The following TRIM65 variants were observed in gnomAD, a reference collection of about 807,000 sequenced individuals.
TRIM65 encodes E3 ubiquitin-protein ligase TRIM65.
TRIM65 carries 46 observed loss-of-function variants against 36.1 expected under a neutral mutation model. The ratio of observed to expected loss-of-function variants is 1.27; its 90% CI spans 1.01 to 1.63. The LOEUF (loss-of-function observed/expected upper bound fraction) is 1.63, where lower values mean the gene tolerates loss of function less well. Ranked by LOEUF, TRIM65 falls within the 40% of genes most tolerant of loss-of-function variation. The pLI is 0.00. For synonymous variants in TRIM65, 346 were observed against 313.6 expected (o/e 1.10, Z -1.09); for missense variants, 708 against 696.6 (o/e 1.02, Z -0.18).
chr17:75,891,141 CCA>C lies in TRIM65; in HGVS notation c.1190_1191del (p.Leu397ArgfsTer98). 1 of 1,608,442 alleles carries C rather than the reference CCA, an allele frequency of 6.2e-7. No individual in the cohort carries two copies. The highest frequency in any genetic ancestry group is 8.5e-7 in the Non-Finnish European group (1 of 1,179,930). On this transcript the variant is annotated frameshift_variant, in exon 6 of 6. Coordinates refer to ENST00000269383, the MANE Select transcript of TRIM65 (RefSeq NM_173547.4). LOFTEE classifies it low-confidence loss of function (END_TRUNC). Reference sequence around the variant, plus strand: ...CGTGGCAGTTGCGGGTAGGAGACGCCCAGTGTCACCGAGTGGTCTGACGCGCG... The same window carrying C: ...CGTGGCAGTTGCGGGTAGGAGACGCCGTGTCACCGAGTGGTCTGACGCGCG... ...EVRASDHSVT[L>X]GVSYPQLPRC...
intron 1 of TRIM65, among the ~76,000 whole-genome samples, chr17:75,895,877 A>G (rs1453840245): frequency 6.6e-6 from 1 of 152,216 alleles, no homozygotes; most frequent in Non-Finnish European, 1.5e-5. Context: ...AGCGAATGAA[A>G]GGAGGCTCTC....
chr17:75,891,060 GC>G lies in TRIM65; in HGVS notation c.1272del (p.Leu425SerfsTer73). 1.2e-6 allele frequency: 2 copies of G among 1,612,464 alleles called. No homozygotes were observed. Among genetic ancestry groups the G allele is most frequent in the Non-Finnish European group, 1.7e-6 (2 of 1,179,806 alleles). ...DNIGRGPCSW[G>X]LCVQEDSLQA... is the part of the protein sequence containing the mutation. ...TGGAGGCTGTCCTCCTGGACGCAGA[GC>G]CCCCAGGAGCAGGGTCCCCGGCCAA... On this transcript the variant is annotated frameshift_variant, in exon 6 of 6. Coordinates refer to ENST00000269383, the MANE Select transcript of TRIM65 (RefSeq NM_173547.4). LOFTEE classifies it low-confidence loss of function (END_TRUNC).
chr17:75,893,431 G>C (rs949732670), intron 1 of TRIM65, among the ~76,000 whole-genome samples: 1 of 152,178 alleles, frequency 6.6e-6, no homozygotes, highest in Non-Finnish European at 1.5e-5. Flanking sequence ...TTTTGAGACT[G>C]AGAGGGGAGG....
chr17:75,891,839 C>T lies in TRIM65; in HGVS notation c.959G>A (p.Cys320Tyr). 1 of 1,612,746 alleles carries T rather than the reference C, an allele frequency of 6.2e-7. No homozygotes were observed. The highest frequency in any genetic ancestry group is 8.5e-7 in the Non-Finnish European group (1 of 1,179,326). The stretch of plus-strand genomic sequence containing the variant: ...CTGCCAGAGTTTCCTCCTCAGTGGA[C>T]AAACTGTGCTTGGGACCGGTGCCAG... Reference protein sequence around the residue: ...GPLAPVPSTVCPLRRKLWQNY... With the variant: ...GPLAPVPSTVYPLRRKLWQNY... Residue 320 changes from cysteine (C) to tyrosine (Y), a missense_variant, in exon 5 of 6, where the codon TGT (cysteine) becomes TAT (tyrosine). Transcript: ENST00000269383.
At chr17:75,886,112 C>T (rs369207446), downstream of TRIM65, among the ~76,000 whole-genome samples, 18 of 152,160 alleles carry the variant, frequency 1.2e-4, no homozygotes, top group African/African-American at 4.3e-4. Context: ...AAGGGCAGTT[C>T]GCCTGCACAC....
chr17:75,887,171 AAAAG>A (rs1436576986), downstream of TRIM65, among the ~76,000 whole-genome samples: 6 of 150,792 alleles, frequency 4.0e-5, no homozygotes, highest in Non-Finnish European at 8.9e-5. Flanking sequence ...AAAAAAAAAA[AAAAG>A]AAGAGAAAAA....
At chr17:75,885,799 G>A (rs1397146698), downstream of TRIM65, among the ~76,000 whole-genome samples, 1 of 152,166 alleles carries the variant, frequency 6.6e-6, no homozygotes, top group African/African-American at 2.4e-5. Flanking sequence ...CAGTCCCCCA[G>A]GATCTCAAGG....
chr17:75,880,043 C>T (rs974078819), downstream of TRIM65, among the ~76,000 whole-genome samples: 3 of 150,646 alleles, frequency 2.0e-5, no homozygotes, highest in Non-Finnish European at 4.4e-5. Context: ...CATGAGCCAC[C>T]GCACCCAGAG....
chr17:75,883,507 T>G (rs941759229), intron 4 of TRIM65, among the ~76,000 whole-genome samples: 1 of 150,908 alleles, frequency 6.6e-6, no homozygotes. Context: ...TGTCTTTTTT[T>G]CTCACTGTCT....
downstream of TRIM65, among the ~76,000 whole-genome samples, chr17:75,884,925 C>T (rs547354622): frequency 2.6e-3 from 396 of 151,056 alleles, no homozygotes; most frequent in African/African-American, 8.6e-3. Flanking sequence ...GCCACCTCGC[C>T]CCACTTGAGT....
At position 75,891,151 on chromosome 17, in the gene TRIM65, C is replaced by T. The variant is rs764405701; in HGVS notation, c.1182G>A (p.Ser394=). The change falls in exon 6 of 6, where the codon TCG becomes TCA. Residue 394 remains serine, a synonymous_variant. Coordinates refer to ENST00000269383, the MANE Select transcript of TRIM65 (RefSeq NM_173547.4). ...HYWEVRASDH[S]VTLGVSYPQL... is the part of the protein sequence containing the mutation. Reference sequence around the variant, plus strand: ...GCGGGTAGGAGACGCCCAGTGTCACCGAGTGGTCTGACGCGCGCACCTCCC... The same window carrying T: ...GCGGGTAGGAGACGCCCAGTGTCACTGAGTGGTCTGACGCGCGCACCTCCC... 15 of 1,608,602 alleles carry T rather than the reference C, an allele frequency of 9.3e-6. No individual in the cohort carries two copies. Among genetic ancestry groups the T allele is most frequent in the East Asian group, 6.7e-5 (3 of 44,882 alleles).
chr17:75,884,164 G>A (rs572848977), downstream of TRIM65, among the ~76,000 whole-genome samples: 7 of 151,482 alleles, frequency 4.6e-5, no homozygotes, highest in South Asian at 1.5e-3. Flanking sequence ...TAGATAGATA[G>A]TAAACAATTT....
chr17:75,884,532 G>A (rs914373372), downstream of TRIM65, among the ~76,000 whole-genome samples: 8 of 152,130 alleles, frequency 5.3e-5, no homozygotes, highest in African/African-American at 1.9e-4. Context: ...GACTCCCCAT[G>A]GACAACCAAT....
At chr17:75,883,630 C>A (rs2065184338) in intron 4 of TRIM65, among the ~76,000 whole-genome samples, 1 of 149,466 alleles carries the variant, frequency 6.7e-6, no homozygotes, top group African/African-American at 2.5e-5. Context: ...CGGGTTCATC[C>A]CATTCTCCTG....
chr17:75,891,971 G>A (rs1427700823), intron 4 of TRIM65, 40 bp downstream of exon 4: 2 of 1,554,782 alleles, frequency 1.3e-6, no homozygotes, highest in Non-Finnish European at 1.7e-6. Context: ...AGGGGCAGCT[G>A]GACCCAGGAC....
At chr17:75,884,617 C>T (rs2065193265), downstream of TRIM65, among the ~76,000 whole-genome samples, 1 of 152,024 alleles carries the variant, frequency 6.6e-6, no homozygotes, top group Non-Finnish European at 1.5e-5. Context: ...TCTTGCTCTC[C>T]TTTTTTGTTT....
In TRIM65 at chr17:75,892,164, G is replaced by A; in HGVS notation, c.766C>T (p.Pro256Ser). 1 of 1,570,046 alleles carries A rather than the reference G, an allele frequency of 6.4e-7. No homozygotes were observed. The highest frequency in any genetic ancestry group is 1.7e-4 in the Middle Eastern group (1 of 5,998). Residue 256 changes from proline to serine, a missense_variant, in exon 4 of 6, where the codon CCA becomes TCA. Transcript: ENST00000269383. ...GGGGTCAGTGGCCCAAGAGGCCCTG[G>A]GGGCTGGAGGAGCTGCGATTCCTGA... ...FLQESQLLQP[P>S]GPLGPLTPLQ...
At chr17:75,896,410 G>A (rs1001737006) in intron 1 of TRIM65, 114 bp downstream of exon 1, 1 of 1,218,752 alleles carries the variant, frequency 8.2e-7, no homozygotes. Flanking sequence ...TACAGATGAG[G>A]CTCCCCGCCC....
intron 4 of TRIM65, among the ~76,000 whole-genome samples, chr17:75,881,433 C>T (rs1035159343): frequency 2.7e-5 from 4 of 150,044 alleles, no homozygotes; most frequent in Non-Finnish European, 4.4e-5. Flanking sequence ...TGGAAGTCTG[C>T]GATCACGGTG....
Sources: allele counts gnomAD v4.1 joint callset (sites outside exome capture counted in the v4.1 genomes callset), GRCh38; gene constraint gnomAD v4.1.1; transcripts MANE v1.5; gene names NCBI Gene and HGNC (gene_info 2026-07-23, HGNC 2026-07-21).